The following SLC25A21 variants were observed in gnomAD, a reference collection of about 807,000 sequenced individuals.
SLC25A21 encodes mitochondrial 2-oxodicarboxylate carrier.
In SLC25A21, 47 loss-of-function variants were observed where a neutral mutation model predicts 43.8. That is an observed-to-expected ratio of 1.07 (90% CI 0.85 to 1.37). The LOEUF (loss-of-function observed/expected upper bound fraction) is 1.37. Among genes scored for constraint, SLC25A21 ranks in the 40% most tolerant of loss-of-function variants. SLC25A21 has a pLI of 0.00. For synonymous variants in SLC25A21, 131 were observed against 121.3 expected, an observed-to-expected ratio of 1.08 and a Z score of -0.52; for missense variants, 352 against 350.2, an observed-to-expected ratio of 1.00 and a Z score of -0.04.
intron 1 of SLC25A21, among the ~76,000 whole-genome samples, chr14:37,093,612 G>T (rs561172557): frequency 4.6e-5 from 7 of 152,216 alleles, no homozygotes; most frequent in African/African-American, 1.7e-4. Flanking sequence ...GCCCATTGTG[G>T]GCAAAATTCA....
At chr14:37,010,949 C>A (rs1294610581) in intron 1 of SLC25A21, among the ~76,000 whole-genome samples, 1 of 151,926 alleles carries the variant, frequency 6.6e-6, no homozygotes, top group Non-Finnish European at 1.5e-5. Context: ...TGCAGTGGTG[C>A]GATCTTGGCT....
chr14:37,136,610 A>T (rs1276068582), intron 1 of SLC25A21, among the ~76,000 whole-genome samples: 1 of 152,232 alleles, frequency 6.6e-6, no homozygotes, highest in African/African-American at 2.4e-5. Context: ...TGTTAGCTTT[A>T]TAGCAGCATT....
intron 1 of SLC25A21, among the ~76,000 whole-genome samples, chr14:37,071,554 A>G (rs912385683): frequency 6.6e-6 from 1 of 152,194 alleles, no homozygotes. Context: ...TGTTTTTGAT[A>G]ATCATTACAA....
chr14:36,967,405 C>G (rs1393737619), intron 1 of SLC25A21, among the ~76,000 whole-genome samples: 2 of 152,156 alleles, frequency 1.3e-5, no homozygotes, highest in Non-Finnish European at 2.9e-5. Flanking sequence ...CATACATGAG[C>G]ACTTAGTAAC....
chr14:36,691,235 C>T (rs532081920), intron 7 of SLC25A21, among the ~76,000 whole-genome samples: 21 of 152,280 alleles, frequency 1.4e-4, no homozygotes, highest in Non-Finnish European at 2.5e-4. Flanking sequence ...CACCCTCATT[C>T]AACATGCAAG....
chr14:37,135,126 C>T (rs953647743), intron 1 of SLC25A21, among the ~76,000 whole-genome samples: 3 of 152,058 alleles, frequency 2.0e-5, no homozygotes, highest in African/African-American at 7.2e-5. Context: ...AGGGGTTTTA[C>T]GTTGTTGACC....
intron 1 of SLC25A21, among the ~76,000 whole-genome samples, chr14:37,128,286 T>G (rs534624934): frequency 6.6e-6 from 1 of 152,338 alleles, no homozygotes; most frequent in South Asian, 2.1e-4. Context: ...GAACCAGCCC[T>G]GCCAACACAT....
At chr14:37,041,471 A>C (rs540478885) in intron 1 of SLC25A21, among the ~76,000 whole-genome samples, 1 of 151,794 alleles carries the variant, frequency 6.6e-6, no homozygotes, top group Non-Finnish European at 1.5e-5. Flanking sequence ...TCTGAGCAAC[A>C]TATCAAGGCC....
At chr14:36,873,994 TCC>T (rs1366310473) in intron 2 of SLC25A21, among the ~76,000 whole-genome samples, 1 of 152,158 alleles carries the variant, frequency 6.6e-6, no homozygotes, top group Non-Finnish European at 1.5e-5. Flanking sequence ...TTACAGCAGC[TCC>T]ATCTAAGACA....
chr14:36,959,604 C>T (rs1457456844), intron 1 of SLC25A21, among the ~76,000 whole-genome samples: 1 of 152,052 alleles, frequency 6.6e-6, no homozygotes. Context: ...GGGTCTGAGA[C>T]ACCAAAGGGA....
chr14:37,007,650 T>C (rs1327496828), intron 1 of SLC25A21, among the ~76,000 whole-genome samples: 1 of 143,298 alleles, frequency 7.0e-6, no homozygotes, highest in Non-Finnish European at 1.6e-5. Context: ...TCAGTACTTT[T>C]AGGCCACTTT....
chr14:37,036,249 G>A lies in SLC25A21; in HGVS notation c.70+136032C>T, dbSNP rs1225157657. Among the ~76,000 whole-genome samples, 5 of 152,076 alleles carry A rather than the reference G, an allele frequency of 3.3e-5. No homozygotes were observed. In the South Asian group the frequency reaches 1.0e-3, roughly 32 times the overall value. ...TAGCAAGTTGGATTCTTCTGCCAAGGCTGTGCTATAATCAAAAAGTAGCTG... is the reference window on the plus strand; with the variant it reads ...TAGCAAGTTGGATTCTTCTGCCAAGACTGTGCTATAATCAAAAAGTAGCTG... On this transcript the variant is annotated intron_variant, in intron 1 of 9. Coordinates refer to ENST00000331299, the MANE Select transcript of SLC25A21 (RefSeq NM_030631.4).
At chr14:36,858,947 C>G (rs1438271144) in intron 2 of SLC25A21, among the ~76,000 whole-genome samples, 2 of 152,088 alleles carry the variant, frequency 1.3e-5, no homozygotes, top group East Asian at 3.9e-4. Context: ...CTTTGGTTTT[C>G]AATGTAACAA....
chr14:36,853,988 G>T (rs1002486828), intron 2 of SLC25A21, among the ~76,000 whole-genome samples: 2 of 152,124 alleles, frequency 1.3e-5, no homozygotes, highest in Non-Finnish European at 2.9e-5. Flanking sequence ...TTTTAATTCA[G>T]GTTTGACAAC....
chr14:37,144,240 G>A (rs1963620828), intron 1 of SLC25A21, among the ~76,000 whole-genome samples: 8 of 151,976 alleles, frequency 5.3e-5, no homozygotes, highest in Admixed American at 5.2e-4. Context: ...GGTGAAATAT[G>A]GAAATGATTT....
intron 5 of SLC25A21, among the ~76,000 whole-genome samples, chr14:36,727,053 C>T (rs1200354472): frequency 6.6e-6 from 1 of 152,180 alleles, no homozygotes; most frequent in East Asian, 1.9e-4. Context: ...GTGACTAGAA[C>T]TGTAACACAC....
chr14:36,912,513 G>C (rs1016785978), intron 1 of SLC25A21, among the ~76,000 whole-genome samples: 2 of 152,192 alleles, frequency 1.3e-5, no homozygotes, highest in African/African-American at 4.8e-5. Context: ...CCTATAACCT[G>C]ACTGAAGGCA....
intron 1 of SLC25A21, among the ~76,000 whole-genome samples, chr14:37,079,833 G>A (rs1044349991): frequency 3.3e-5 from 5 of 152,074 alleles, no homozygotes; most frequent in East Asian, 1.9e-4. Flanking sequence ...TTGTGTCCCC[G>A]CCAAATTCAC....
At chr14:37,125,521 G>A (rs541848360) in intron 1 of SLC25A21, among the ~76,000 whole-genome samples, 2 of 152,118 alleles carry the variant, frequency 1.3e-5, no homozygotes, top group Non-Finnish European at 2.9e-5. Context: ...GTCTAGATAG[G>A]ACAAAGAGAA....
Sources: gnomAD v4.1 joint callset for allele counts (sites outside exome capture counted in the v4.1 genomes callset) on GRCh38, gnomAD v4.1.1 for gene constraint, MANE v1.5 for transcripts, NCBI Gene and HGNC (gene_info 2026-07-23, HGNC 2026-07-21) for gene names.